Variants in SEC16B observed in about 807,000 individuals in gnomAD.
The protein encoded by SEC16B is protein transport protein Sec16B.
SEC16B carries 115 observed loss-of-function variants against 141.8 expected under a neutral mutation model. That is an observed-to-expected ratio of 0.81 (90% CI 0.70 to 0.95). The LOEUF is 0.95. Ranked by LOEUF, SEC16B falls within the 40% of genes least tolerant of loss-of-function variation. The pLI is 0.00. For missense variants in SEC16B, 1,291 were observed against 1,312.3 expected (o/e 0.98, Z 0.25); for synonymous variants, 493 against 492.5 (o/e 1.00, Z -0.01).
At chr1:177,976,355 G>C (rs1654170933) in intron 1 of SEC16B, among the ~76,000 whole-genome samples, 1 of 152,136 alleles carries the variant, frequency 6.6e-6, no homozygotes, top group Non-Finnish European at 1.5e-5. Flanking sequence ...ATGCTGCTGT[G>C]ACTTCTGACC....
chr1:177,983,323 C>T (rs1446697111), intron 1 of SEC16B, among the ~76,000 whole-genome samples: 2 of 152,190 alleles, frequency 1.3e-5, no homozygotes, highest in African/African-American at 4.8e-5. Context: ...CCTCTTATAA[C>T]ATCTGTTACT....
intron 8 of SEC16B, 85 bp downstream of exon 8, chr1:177,960,257 G>A (rs536069263): frequency 3.3e-6 from 3 of 904,150 alleles, no homozygotes; most frequent in Admixed American, 2.1e-5. Context: ...AGGAAACCAA[G>A]AACAAATCTC....
intron 13 of SEC16B, among the ~76,000 whole-genome samples, 189 bp from the exon 14 acceptor site, chr1:177,946,720 C>A (rs942684466): frequency 2.6e-5 from 4 of 152,174 alleles, no homozygotes; most frequent in Non-Finnish European, 4.4e-5. Context: ...CCTCCCACAG[C>A]CCATTTGGCC....
At chr1:177,977,820 G>T (rs975880265) in intron 1 of SEC16B, among the ~76,000 whole-genome samples, 1 of 152,142 alleles carries the variant, frequency 6.6e-6, no homozygotes, top group African/African-American at 2.4e-5. Flanking sequence ...TACACCATTT[G>T]CTAGCCATGT....
intron 25 of SEC16B, 96 bp downstream of exon 25, chr1:177,930,449 A>T: frequency 2.6e-6 from 2 of 780,956 alleles, no homozygotes; most frequent in South Asian, 3.4e-5. Flanking sequence ...TCAAGAACTC[A>T]CATATCATAA....
At chr1:177,944,520 G>T in intron 15 of SEC16B, 41 bp downstream of exon 15, 1 of 1,508,722 alleles carries the variant, frequency 6.6e-7, no homozygotes, top group Non-Finnish European at 9.2e-7. Flanking sequence ...GCCTGCAGCT[G>T]CCTGACAGTG....
intron 1 of SEC16B, among the ~76,000 whole-genome samples, chr1:177,982,900 A>G (rs144337785): frequency 6.6e-6 from 1 of 152,328 alleles, no homozygotes; most frequent in Non-Finnish European, 1.5e-5. Context: ...ACAGAAATAG[A>G]TATTTAAGAT....
chr1:177,941,800 T>A lies in SEC16B; in HGVS notation c.2022+100A>T. 3.7e-6 allele frequency: 5 copies of A among 1,366,774 alleles called. 1 individual carries two copies. The East Asian group carries it at 1.2e-4, about 32-fold the overall frequency. 84.7% of individuals were successfully genotyped at this position (1,366,774 alleles called of 1,614,324 possible). A position where few individuals can be genotyped will look rare whatever the true frequency, so the allele number is the denominator to read the frequency against. ...GGCCGTGGGCTCCAATTTTATGGCA[T>A]GTTCAAAGAAGATGAAATGTAGAGT... On this transcript the variant is annotated intron_variant, in intron 16 of 25. Transcript: ENST00000308284.
intron 12 of SEC16B, among the ~76,000 whole-genome samples, chr1:177,950,411 T>C (rs1034927598): frequency 3.9e-5 from 6 of 152,148 alleles, no homozygotes; most frequent in African/African-American, 7.2e-5. Flanking sequence ...GCCTGGAATA[T>C]GGCCTGGCCC....
rs116902928 is a variant in SEC16B, at chr1:177,944,533, G to A, written c.1881+28C>T. On this transcript the variant is annotated intron_variant, in intron 15 of 25. Coordinates refer to ENST00000308284, the MANE Select transcript of SEC16B (RefSeq NM_033127.4). ...CTGCCTGCAGCTGCCTGACAGTGAC[G>A]GTGGTGGCCTCATCTGGGCTCAGTT... 6.4e-4 allele frequency: 999 copies of A among 1,561,000 alleles called. 12 individuals carry two copies. In the East Asian group the frequency reaches 0.021, roughly 33 times the overall value.
At chr1:177,971,958 T>C (rs1481257811), upstream of SEC16B, among the ~76,000 whole-genome samples, 1 of 152,256 alleles carries the variant, frequency 6.6e-6, no homozygotes, top group Non-Finnish European at 1.5e-5. Context: ...GGTGGGTTGC[T>C]GGTTTATTTC....
At chr1:177,933,177 A>G in intron 22 of SEC16B, 37 bp downstream of exon 22, 2 of 1,507,298 alleles carry the variant, frequency 1.3e-6, no homozygotes, top group Non-Finnish European at 1.8e-6. Flanking sequence ...TGAAAGACCC[A>G]CAGAGAGGGG....
intron 11 of SEC16B, among the ~76,000 whole-genome samples, chr1:177,953,168 G>A (rs1652338664): frequency 6.6e-6 from 1 of 151,984 alleles, no homozygotes; most frequent in Non-Finnish European, 1.5e-5. Context: ...ACCACACCTG[G>A]CTAATATTTG....
At chr1:177,972,859 T>C (rs1654018008), upstream of SEC16B, among the ~76,000 whole-genome samples, 1 of 152,168 alleles carries the variant, frequency 6.6e-6, no homozygotes, top group Non-Finnish European at 1.5e-5. Flanking sequence ...ATTAGTTCCC[T>C]TATAAAAAGA....
intron 4 of SEC16B, among the ~76,000 whole-genome samples, 159 bp from the exon 5 acceptor site, chr1:177,964,438 T>C (rs1653343871): frequency 6.6e-6 from 1 of 152,192 alleles, no homozygotes; most frequent in African/African-American, 2.4e-5. Flanking sequence ...ACCACCTCAA[T>C]CTACTAATCC....
intron 13 of SEC16B, 107 bp from the exon 14 acceptor site, chr1:177,946,638 G>A: frequency 1.3e-6 from 1 of 771,742 alleles, no homozygotes. Flanking sequence ...GGGGTCAGAG[G>A]GGAGAAGCCA....
intron 12 of SEC16B, chr1:177,948,620 T>C (rs1457292474): frequency 7.7e-7 from 1 of 1,303,232 alleles, no homozygotes; most frequent in South Asian, 1.2e-5. Context: ...TTCCCCACAA[T>C]CTCTCCCTAA....
chr1:177,932,752 G>A lies in SEC16B; in HGVS notation c.2878C>T (p.Pro960Ser), dbSNP rs1487539681. The change falls in exon 23 of 26, where the codon CCT becomes TCT. Residue 960 changes from proline (P) to serine (S), a missense_variant. Around this residue, in one of 3 missense-constraint regions of SEC16B, gnomAD observed 605 missense variants for 614.1 expected, o/e 0.99. Transcript: ENST00000308284. ...GGCAGAGGTGGGGACTCAGGGGAAGGTGTCAGTGAGAGGCCCAGGCCAGCC... is the reference window on the plus strand; with the variant it reads ...GGCAGAGGTGGGGACTCAGGGGAAGATGTCAGTGAGAGGCCCAGGCCAGCC... ...HQAGLGLSLT[P>S]SPESPPLPDV... is the part of the protein sequence containing the mutation. The A allele has an allele frequency of 3.7e-6, 6 of 1,611,790 alleles. No individual in the cohort carries two copies. Among genetic ancestry groups the A allele is most frequent in the South Asian group, 2.2e-5 (2 of 90,510 alleles).
chr1:177,978,742 A>ATTAG (rs1654283437), intron 1 of SEC16B, among the ~76,000 whole-genome samples: 1 of 146,268 alleles, frequency 6.8e-6, no homozygotes. Flanking sequence ...TAAATAAATA[A>ATTAG]ATAGCATAGC....
Sources: gnomAD v4.1 joint callset for allele counts (sites outside exome capture counted in the v4.1 genomes callset) on GRCh38, gnomAD v4.1.1 for gene constraint, gnomAD v4.1.1 regional missense constraint, MANE v1.5 for transcripts, NCBI Gene and HGNC (gene_info 2026-07-23, HGNC 2026-07-21) for gene names.